Variants in SLC35A1 observed in about 807,000 individuals in gnomAD.
SLC35A1 encodes solute carrier family 35 member A1.
SLC35A1 carries 21 observed loss-of-function variants against 40.3 expected under a neutral mutation model. The observed-to-expected ratio is 0.52, with a 90% confidence interval of 0.37 to 0.75. SLC35A1 has a LOEUF of 0.75. Ranked by LOEUF, SLC35A1 falls within the 30% of genes least tolerant of loss-of-function variation. The pLI is 0.00. For synonymous variants in SLC35A1, 146 were observed against 147.3 expected, an observed-to-expected ratio of 0.99 and a Z score of 0.06; for missense variants, 297 against 382.1, an observed-to-expected ratio of 0.78 and a Z score of 1.86.
intron 4 of SLC35A1, among the ~76,000 whole-genome samples, chr6:87,503,929 T>G (rs1334641213): frequency 6.6e-6 from 1 of 152,170 alleles, no homozygotes; most frequent in East Asian, 1.9e-4. Flanking sequence ...TTGCTGGTAA[T>G]CAATGTAACA....
intron 2 of SLC35A1, among the ~76,000 whole-genome samples, chr6:87,495,854 A>T (rs1043675691): frequency 6.6e-6 from 1 of 151,944 alleles, no homozygotes; most frequent in African/African-American, 2.4e-5. Flanking sequence ...ACAGGGTTTC[A>T]CCGTGTAAAT....
chr6:87,508,305 G>A, intron 5 of SLC35A1, 115 bp from the exon 6 acceptor site: 1 of 703,794 alleles, frequency 1.4e-6, no homozygotes, highest in South Asian at 1.8e-5. Context: ...AGTAAAGTAT[G>A]TTTTGTTCCC....
In SLC35A1 at chr6:87,511,508, G is replaced by T; in HGVS notation, c.996G>T (p.Glu332Asp). Reference sequence around the variant, plus strand: ...AACAAGGAGAAACAGCTTCAAAGGAGAGAGTTATTGGTGTGTGATTTTAGC... The same window carrying T: ...AACAAGGAGAAACAGCTTCAAAGGATAGAGTTATTGGTGTGTGATTTTAGC... The part of the protein sequence containing the change: ...SIQQGETASK[E>D]RVIGV The change falls in exon 8 of 8, where the codon GAG (glutamate) becomes GAT (aspartate). Residue 332 changes from glutamate to aspartate, a missense_variant. Transcript: ENST00000369552. 1 of 1,613,980 alleles carries T rather than the reference G, an allele frequency of 6.2e-7. No individual in the cohort carries two copies. The highest frequency in any genetic ancestry group is 8.5e-7 in the Non-Finnish European group (1 of 1,179,984).
chr6:87,478,452 A>G (rs1374622141), intron 2 of SLC35A1, among the ~76,000 whole-genome samples: 1 of 152,228 alleles, frequency 6.6e-6, no homozygotes, highest in African/African-American at 2.4e-5. Context: ...TTAAGAAGTC[A>G]TACAGGTTTC....
At chr6:87,510,178 G>A (rs557011846) in intron 7 of SLC35A1, among the ~76,000 whole-genome samples, 65 of 152,244 alleles carry the variant, frequency 4.3e-4, no homozygotes, top group Non-Finnish European at 7.8e-4. Context: ...GAAGTGCTTA[G>A]AGTAGTGTTT....
At chr6:87,496,148 C>G (rs932956181) in intron 2 of SLC35A1, 10 of 152,054 alleles carry the variant, frequency 6.6e-5, no homozygotes, top group Non-Finnish European at 1.0e-4. Context: ...AAGAATGAGG[C>G]CTACTTTTGA....
chr6:87,504,498 T>A (rs1194770938), intron 4 of SLC35A1, among the ~76,000 whole-genome samples: 1 of 152,206 alleles, frequency 6.6e-6, no homozygotes, highest in Non-Finnish European at 1.5e-5. Flanking sequence ...CACCAGAACC[T>A]CCTTCTTCAG....
intron 5 of SLC35A1, among the ~76,000 whole-genome samples, chr6:87,507,585 CAG>C (rs1382893536): frequency 1.3e-5 from 2 of 152,164 alleles, no homozygotes; most frequent in Non-Finnish European, 2.9e-5. Context: ...CCCATTCCAA[CAG>C]ACTCATCAAA....
rs781296798 is a variant in SLC35A1, at chr6:87,477,440, G to A, written c.95G>A (p.Arg32Lys). 16 of 1,613,680 alleles carry A rather than the reference G, an allele frequency of 9.9e-6. No individual in the cohort carries two copies. Among genetic ancestry groups the A allele is most frequent in the Non-Finnish European group, 1.4e-5 (16 of 1,179,796 alleles). ...LMAAVYTIALRYTRTSDKELY... is the reference protein window; with the variant it reads ...LMAAVYTIALKYTRTSDKELY... ...GCTGCAGTCTATACCATAGCTTTAA[G>A]ATACACAAGGACATCAGACAAAGAA... is the stretch of plus-strand genomic sequence containing the variant. Residue 32 changes from arginine (R) to lysine (K), a missense_variant, in exon 2 of 8, where the codon AGA becomes AAA. Coordinates refer to ENST00000369552, the MANE Select transcript of SLC35A1 (RefSeq NM_006416.5).
chr6:87,494,579 C>G lies in SLC35A1; in HGVS notation c.195-5929C>G, dbSNP rs976055637. On this transcript the variant is annotated intron_variant, in intron 2 of 7. Transcript: ENST00000369552. Reference sequence around the variant, plus strand: ...CTGGGACTACAGGTGCCTGCCACCACGCCTGGCTATTTTTTTTTGTATTTT... The same window carrying G: ...CTGGGACTACAGGTGCCTGCCACCAGGCCTGGCTATTTTTTTTTGTATTTT... 4.6e-5 allele frequency among the ~76,000 whole-genome samples: 7 copies of G among 152,014 alleles called. No individual in the cohort carries two copies. In the East Asian group the frequency reaches 9.7e-4, roughly 21 times the overall value.
At chr6:87,493,500 CATTG>C (rs1196463628) in intron 2 of SLC35A1, among the ~76,000 whole-genome samples, 2 of 151,892 alleles carry the variant, frequency 1.3e-5, no homozygotes, top group South Asian at 2.1e-4. Flanking sequence ...AAGAGTTCTA[CATTG>C]ATTGATACCA....
chr6:87,501,166 C>A lies in SLC35A1; in HGVS notation c.363C>A (p.Tyr121Ter), dbSNP rs767188289. The A allele has an allele frequency of 6.2e-7, 1 of 1,612,700 alleles. No individual in the cohort carries two copies. Among genetic ancestry groups the A allele is most frequent in the Admixed American group, 1.7e-5 (1 of 60,006 alleles). ...CATTCTCTTTTTTTTAGGTGACCTA[C>A]CAGTTGAAGATTCCGTGTACTGCTT... ...NLDAAVYQVT[Y>*]QLKIPCTALC... Residue 121 changes from tyrosine (Y) to a stop codon, truncating the protein, a stop_gained, in exon 4 of 8, where the codon TAC becomes TAA. Coordinates refer to ENST00000369552, the MANE Select transcript of SLC35A1 (RefSeq NM_006416.5). LOFTEE classifies it high-confidence loss of function.
chr6:87,500,413 G>C lies in SLC35A1; in HGVS notation c.195-95G>C, dbSNP rs539340549. 85 of 1,209,632 alleles carry C rather than the reference G, an allele frequency of 7.0e-5. 1 individual carries two copies. In the South Asian group the frequency reaches 9.6e-4, roughly 14 times the overall value. 74.9% of individuals were successfully genotyped at this position (1,209,632 alleles called of 1,614,324 possible). A position where few individuals can be genotyped will look rare whatever the true frequency, so the allele number is the denominator to read the frequency against. On this transcript the variant is annotated intron_variant, in intron 2 of 7. Transcript: ENST00000369552. Reference sequence around the variant, plus strand: ...AGTTTGCTAAATTACAGCAAGCATAGTATGCTTGTCCTGTGTTTGAAGAAG... The same window carrying C: ...AGTTTGCTAAATTACAGCAAGCATACTATGCTTGTCCTGTGTTTGAAGAAG...
chr6:87,480,533 C>T (rs189050961), intron 2 of SLC35A1, among the ~76,000 whole-genome samples: 2 of 152,180 alleles, frequency 1.3e-5, no homozygotes, highest in Non-Finnish European at 2.9e-5. Context: ...ACTACTGAGA[C>T]CTTGCTTTTG....
chr6:87,493,310 T>G (rs566490219), intron 2 of SLC35A1, among the ~76,000 whole-genome samples: 1 of 152,340 alleles, frequency 6.6e-6, no homozygotes, highest in East Asian at 1.9e-4. Context: ...TCAAGGATCC[T>G]TTATTCCTTT....
chr6:87,510,949 G>A (rs55766457), intron 7 of SLC35A1, among the ~76,000 whole-genome samples: 5,554 of 151,830 alleles, frequency 0.037, 121 homozygotes, highest in Middle Eastern at 0.055. Context: ...CCTCATCTCC[G>A]ATTAAGAAAT....
chr6:87,498,130 G>C (rs994748971), intron 2 of SLC35A1, among the ~76,000 whole-genome samples: 1 of 152,120 alleles, frequency 6.6e-6, no homozygotes, highest in Non-Finnish European at 1.5e-5. Flanking sequence ...TGAGGGTTTA[G>C]CATGAAGAAT....
At chr6:87,495,175 G>T (rs1769685308) in intron 2 of SLC35A1, among the ~76,000 whole-genome samples, 1 of 152,088 alleles carries the variant, frequency 6.6e-6, no homozygotes, top group East Asian at 1.9e-4. Context: ...GTCCAGGCTG[G>T]TCTCAAATTC....
intron 1 of SLC35A1, among the ~76,000 whole-genome samples, chr6:87,474,984 A>G (rs568382412): frequency 3.9e-5 from 6 of 152,340 alleles, no homozygotes; most frequent in African/African-American, 1.4e-4. Context: ...GAACCTGTAC[A>G]GTAGCTAAAA....
Sources: allele counts gnomAD v4.1 joint callset (sites outside exome capture counted in the v4.1 genomes callset), GRCh38; gene constraint gnomAD v4.1.1; transcripts MANE v1.5; gene names NCBI Gene and HGNC (gene_info 2026-07-23, HGNC 2026-07-21).